The following CNTN5 variants were observed in gnomAD, a reference collection of about 807,000 sequenced individuals.
CNTN5 encodes the protein contactin-5.
A neutral mutation model predicts 129.1 loss-of-function variants in CNTN5; 77 were observed. The observed-to-expected ratio is 0.60, with a 90% CI of 0.50 to 0.72. CNTN5 has a LOEUF of 0.72. CNTN5 is among the 30% of genes least tolerant of loss of function. The pLI is 0.00. For missense variants in CNTN5, 1,478 were observed against 1,328.8 expected (o/e 1.11, Z -1.75); for synonymous variants, 509 against 465.6 (o/e 1.09, Z -1.20).
At chr11:99,707,412 A>G (rs1443122324) in intron 3 of CNTN5, among the ~76,000 whole-genome samples, 3 of 151,688 alleles carry the variant, frequency 2.0e-5, no homozygotes, top group Non-Finnish European at 3.0e-5. Context: ...GATTATCTAA[A>G]TTAATTTTCC....
chr11:100,106,148 T>C (rs571172451), intron 13 of CNTN5, among the ~76,000 whole-genome samples: 12 of 152,280 alleles, frequency 7.9e-5, no homozygotes, highest in Admixed American at 2.0e-4. Context: ...CTGTTATCTC[T>C]ACATCAAGCC....
chr11:99,309,031 T>C (rs1738908479), intron 1 of CNTN5, among the ~76,000 whole-genome samples: 1 of 152,160 alleles, frequency 6.6e-6, no homozygotes, highest in Non-Finnish European at 1.5e-5. Flanking sequence ...TTTCATCATC[T>C]ACATATTTTC....
chr11:100,289,598 T>C (rs1210621567), intron 18 of CNTN5, among the ~76,000 whole-genome samples: 1 of 152,134 alleles, frequency 6.6e-6, no homozygotes, highest in Non-Finnish European at 1.5e-5. Context: ...TAGGTGTTGA[T>C]GGGACGTATC....
intron 3 of CNTN5, among the ~76,000 whole-genome samples, chr11:99,786,088 T>C (rs1945511474): frequency 6.6e-6 from 1 of 152,116 alleles, no homozygotes; most frequent in Non-Finnish European, 1.5e-5. Context: ...GATCACATGA[T>C]TGTATCTTTA....
chr11:100,201,623 C>T (rs72645409), intron 15 of CNTN5, among the ~76,000 whole-genome samples: 15,253 of 151,074 alleles, frequency 0.1, 1,182 homozygotes, highest in East Asian at 0.46. Flanking sequence ...TACCTCCCTC[C>T]TGTTTTCCTT....
chr11:100,042,164 G>T (rs1344085423), intron 9 of CNTN5, among the ~76,000 whole-genome samples: 1 of 151,010 alleles, frequency 6.6e-6, no homozygotes, highest in East Asian at 1.9e-4. Context: ...GCCTTCAAAA[G>T]TTTTTGTGTA....
intron 1 of CNTN5, among the ~76,000 whole-genome samples, chr11:99,030,829 G>A (rs891924928): frequency 7.2e-6 from 1 of 139,016 alleles, no homozygotes; most frequent in Non-Finnish European, 1.5e-5. Context: ...CGCCCAGGCT[G>A]GAGTGCAGTG....
intron 8 of CNTN5, among the ~76,000 whole-genome samples, chr11:99,993,359 T>C (rs7106497): frequency 0.26 from 39,731 of 152,002 alleles, 5,253 homozygotes; most frequent in East Asian, 0.38. Context: ...CTTGACCTCT[T>C]TGACTCTCAG....
chr11:100,061,598 G>T (rs962547777), intron 10 of CNTN5, among the ~76,000 whole-genome samples: 2 of 152,136 alleles, frequency 1.3e-5, no homozygotes, highest in Non-Finnish European at 1.5e-5. Flanking sequence ...GGAATTATCG[G>T]TGTCTTTGTA....
intron 2 of CNTN5, among the ~76,000 whole-genome samples, chr11:99,401,313 C>G (rs1435977723): frequency 6.6e-6 from 1 of 152,100 alleles, no homozygotes; most frequent in African/African-American, 2.4e-5. Flanking sequence ...TCCAGTTCAC[C>G]TAGCACCATT....
chr11:99,070,297 G>A (rs1865291605), intron 1 of CNTN5, among the ~76,000 whole-genome samples: 1 of 152,126 alleles, frequency 6.6e-6, no homozygotes, highest in Non-Finnish European at 1.5e-5. Flanking sequence ...GATTTTGCGT[G>A]CAAAGGGAGT....
At chr11:99,770,051 G>A (rs940752159) in intron 3 of CNTN5, among the ~76,000 whole-genome samples, 1 of 151,954 alleles carries the variant, frequency 6.6e-6, no homozygotes, top group African/African-American at 2.4e-5. Context: ...AAAGTTCAAG[G>A]ATTTTTTGTT....
At chr11:99,103,276 G>A (rs544286783) in intron 1 of CNTN5, among the ~76,000 whole-genome samples, 289 of 152,218 alleles carry the variant, frequency 1.9e-3, no homozygotes, top group Non-Finnish European at 3.4e-3. Flanking sequence ...GTCATTGCTT[G>A]AATAAAACTT....
At chr11:100,304,821 T>A (rs1951310828) in intron 20 of CNTN5, among the ~76,000 whole-genome samples, 1 of 150,836 alleles carries the variant, frequency 6.6e-6, no homozygotes, top group South Asian at 2.1e-4. Flanking sequence ...CTTGATTTCT[T>A]CATCTGAAAA....
At chr11:100,119,805 C>T (rs959802823) in intron 13 of CNTN5, among the ~76,000 whole-genome samples, 2 of 151,788 alleles carry the variant, frequency 1.3e-5, no homozygotes, top group African/African-American at 4.8e-5. Flanking sequence ...GATATCACTC[C>T]TCGCCCTTAA....
At chr11:100,149,740 A>C (rs935285233) in intron 13 of CNTN5, among the ~76,000 whole-genome samples, 1 of 151,652 alleles carries the variant, frequency 6.6e-6, no homozygotes, top group Non-Finnish European at 1.5e-5. Context: ...TAAAAATACA[A>C]AAAAATTAGC....
intron 1 of CNTN5, among the ~76,000 whole-genome samples, chr11:99,228,720 A>C (rs1241681206): frequency 1.3e-5 from 2 of 151,960 alleles, no homozygotes; most frequent in Non-Finnish European, 2.9e-5. Context: ...ATTTTTTCCT[A>C]AGTTCATATG....
At chr11:99,113,248 T>C (rs1857886059) in intron 1 of CNTN5, among the ~76,000 whole-genome samples, 1 of 151,986 alleles carries the variant, frequency 6.6e-6, no homozygotes, top group Non-Finnish European at 1.5e-5. Flanking sequence ...GATACAGGAG[T>C]TAACATCTCC....
At chr11:99,042,375 T>C (rs1254626855) in intron 1 of CNTN5, among the ~76,000 whole-genome samples, 174 of 132,342 alleles carry the variant, frequency 1.3e-3, no homozygotes, top group African/African-American at 4.7e-3. Context: ...CTTTTTTTTT[T>C]TTTTTTTTTT....
Sources: allele counts gnomAD v4.1 joint callset (sites outside exome capture counted in the v4.1 genomes callset), GRCh38; gene constraint gnomAD v4.1.1; transcripts MANE v1.5; gene names NCBI Gene and HGNC (gene_info 2026-07-23, HGNC 2026-07-21).